Variants in APTX observed in about 807,000 individuals in gnomAD.
APTX encodes the protein forkhead-associated domain histidine triad-like protein.
APTX carries 33 observed loss-of-function variants against 42.3 expected under a neutral mutation model. The ratio of observed to expected loss-of-function variants is 0.78; its 90% CI spans 0.59 to 1.04. The LOEUF (loss-of-function observed/expected upper bound fraction) is 1.04. APTX is among the 50% of genes least tolerant of loss of function. The pLI, the probability that APTX is intolerant of heterozygous loss-of-function variation, is 0.00. For synonymous variants in APTX, 130 were observed against 146.7 expected, an observed-to-expected ratio of 0.89 and a Z score of 0.82; for missense variants, 421 against 415.1, an observed-to-expected ratio of 1.01 and a Z score of -0.12.
chr9:32,987,771 C>T lies in APTX; in HGVS notation c.256G>A (p.Val86Ile), dbSNP rs751070363. ...TAAAGTTCATTCACCATGTGGAGAA[C>T]CTGGCCAGGCTGCAGCTTCACCTCT... is the stretch of plus-strand genomic sequence containing the variant. ...DQEVKLQPGQ[V>I]LHMVNELYPY... The change falls in exon 4 of 8, where the codon GTT (valine) becomes ATT (isoleucine). Residue 86 changes from valine (V) to isoleucine (I), a missense_variant. Coordinates refer to ENST00000379817, the MANE Select transcript of APTX (RefSeq NM_001195248.2). 1 of 1,614,058 alleles carries T rather than the reference C, an allele frequency of 6.2e-7. No homozygotes were observed. Among genetic ancestry groups the T allele is most frequent in the African/African-American group, 1.3e-5 (1 of 74,924 alleles).
chr9:32,992,129 G>A (rs1161036755), intron 1 of APTX, among the ~76,000 whole-genome samples: 1 of 152,146 alleles, frequency 6.6e-6, no homozygotes, highest in East Asian at 1.9e-4. Flanking sequence ...CTAGACTCCA[G>A]ACTCTTATCA....
upstream of APTX, among the ~76,000 whole-genome samples, chr9:33,005,110 G>A (rs1223017030): frequency 6.6e-6 from 1 of 151,800 alleles, no homozygotes; most frequent in East Asian, 1.9e-4. Context: ...TTTTTTAATG[G>A]GGTTATTTTT....
intron 2 of APTX, among the ~76,000 whole-genome samples, chr9:32,989,071 G>C (rs1377356444): frequency 6.6e-6 from 1 of 152,182 alleles, no homozygotes; most frequent in Non-Finnish European, 1.5e-5. Flanking sequence ...GTGAGGAAGG[G>C]AACAGAGAGA....
chr9:33,003,545 T>C (rs1404726283), upstream of APTX, among the ~76,000 whole-genome samples: 3 of 152,034 alleles, frequency 2.0e-5, no homozygotes, highest in Admixed American at 6.5e-5. Flanking sequence ...AGCAGAAGAA[T>C]TGCTTGAACC....
chr9:32,979,614 C>G (rs1226908849), intron 6 of APTX: 1 of 157,140 alleles, frequency 6.4e-6, no homozygotes, highest in Non-Finnish European at 1.4e-5. Context: ...ATCAGTCCAT[C>G]AGCACTACAT....
At chr9:33,004,226 T>C (rs565688121), upstream of APTX, among the ~76,000 whole-genome samples, 9 of 152,342 alleles carry the variant, frequency 5.9e-5, no homozygotes, top group African/African-American at 1.9e-4. Context: ...GCTTTGGGTA[T>C]GTAAAGGCAT....
chr9:33,018,784 CAGG>C (rs1838120508), intron 1 of APTX, among the ~76,000 whole-genome samples: 1 of 152,116 alleles, frequency 6.6e-6, no homozygotes, highest in Non-Finnish European at 1.5e-5. Flanking sequence ...GAGGCTGAGG[CAGG>C]AGAATTGCTG....
At position 32,983,213 on chromosome 9, in the gene APTX, A is replaced by G. The variant is rs927960717; in HGVS notation, c.770+1418T>C. ...TAAAGTACATATGTCTATGATATAC[A>G]CAATAACACACATGAATCTCAAAAT... On this transcript the variant is annotated intron_variant, in intron 6 of 7. Transcript: ENST00000379817. 2.0e-5 allele frequency among the ~76,000 whole-genome samples: 3 copies of G among 152,228 alleles called. No individual in the cohort carries two copies. The East Asian group carries it at 5.8e-4, about 29-fold the overall frequency.
chr9:33,000,757 G>A (rs1836166742), intron 1 of APTX, among the ~76,000 whole-genome samples: 1 of 149,544 alleles, frequency 6.7e-6, no homozygotes, highest in Admixed American at 6.6e-5. Flanking sequence ...TCCAAACCTA[G>A]ATCACAGCAA....
chr9:32,986,043 C>CAAAAAAAAAA lies in APTX; in HGVS notation c.484-23_484-14dup, dbSNP rs752438493. The CAAAAAAAAAA allele has an allele frequency of 3.5e-5, 35 of 986,538 alleles. No individual in the cohort carries two copies. Among genetic ancestry groups the CAAAAAAAAAA allele is most frequent in the East Asian group, 1.4e-4 (5 of 34,534 alleles). 61.1% of individuals were successfully genotyped at this position (986,538 alleles called of 1,614,324 possible). A position where few individuals can be genotyped will look rare whatever the true frequency, so the allele number is the denominator to read the frequency against. ...GGCCCAGGGATTCCTAAAAAAAAAA[C>CAAAAAAAAAA]AAAAAAAAAAACAAAAAAAAAAAAA... On this transcript the variant is annotated splice_polypyrimidine_tract_variant and intron_variant, in intron 4 of 7. Transcript: ENST00000379817.
chr9:33,024,667 T>A (rs1475570384), intron 1 of APTX: 1 of 152,076 alleles, frequency 6.6e-6, no homozygotes, highest in Non-Finnish European at 1.5e-5. Flanking sequence ...CCAGGGCAGA[T>A]AACATGTGTC....
chr9:33,018,792 T>C (rs564777448), intron 1 of APTX, among the ~76,000 whole-genome samples: 105 of 152,136 alleles, frequency 6.9e-4, no homozygotes, highest in African/African-American at 2.4e-3. Flanking sequence ...GGCAGGAGAA[T>C]TGCTGGAACC....
chr9:33,004,528 T>C (rs1030580200), upstream of APTX, among the ~76,000 whole-genome samples: 2 of 152,302 alleles, frequency 1.3e-5, no homozygotes, highest in African/African-American at 4.8e-5. Flanking sequence ...CCATTTTTAA[T>C]ATTTTGAGGA....
intron 1 of APTX, among the ~76,000 whole-genome samples, chr9:33,021,900 A>T (rs1023079951): frequency 6.6e-6 from 1 of 151,242 alleles, no homozygotes; most frequent in Non-Finnish European, 1.5e-5. Flanking sequence ...CTGAGGCAGG[A>T]GAATCACTTG....
At chr9:32,992,214 T>G (rs919139885) in intron 1 of APTX, among the ~76,000 whole-genome samples, 2 of 152,158 alleles carry the variant, frequency 1.3e-5, no homozygotes, top group African/African-American at 4.8e-5. Context: ...TCTGCACAAG[T>G]TTCATGTCCA....
intron 1 of APTX, among the ~76,000 whole-genome samples, chr9:33,017,119 G>C (rs921856278): frequency 6.6e-6 from 1 of 152,036 alleles, no homozygotes; most frequent in East Asian, 1.9e-4. Context: ...ATACCAACTG[G>C]GTATCCTACA....
rs151190663 is a variant in APTX, at chr9:32,996,859, G to T, written c.-5+4708C>A. ...TCGGGAGATCACTGTCCTGGGCCAGGCCTAGTCTTTACTCCAGGATCCCCC... is the reference window on the plus strand; with the variant it reads ...TCGGGAGATCACTGTCCTGGGCCAGTCCTAGTCTTTACTCCAGGATCCCCC... On this transcript the variant is annotated intron_variant, in intron 1 of 7. Transcript: ENST00000379817. 4.2e-3 allele frequency among the ~76,000 whole-genome samples: 633 copies of T among 152,330 alleles called. 2 individuals carry two copies. Among genetic ancestry groups the T allele is most frequent in the South Asian group, 9.5e-3 (46 of 4,826 alleles).
Position 32,984,833 on chromosome 9 carries a change from C to A in APTX, c.568G>T (p.Val190Leu). The change falls in exon 6 of 8, where the codon GTG (valine) becomes TTG (leucine). Residue 190 changes from valine (V) to leucine (L), a missense_variant. Physicochemically the swap from Val to Leu is conservative, Grantham distance 32. Transcript: ENST00000379817. Reference sequence around the variant, plus strand: ...GCCTTTGGGTATTTATCCTTTATCACCACCACCTGCTCATCTTTGTAAACC... The same window carrying A: ...GCCTTTGGGTATTTATCCTTTATCAACACCACCTGCTCATCTTTGTAAACC... Reference protein sequence around the residue: ...MQVYKDEQVVVIKDKYPKARY... With the variant: ...MQVYKDEQVVLIKDKYPKARY... The A allele has an allele frequency of 6.2e-7, 1 of 1,614,150 alleles. No homozygotes were observed. The highest frequency in any genetic ancestry group is 1.1e-5 in the South Asian group (1 of 91,082).
Position 33,022,048 on chromosome 9 carries a change from C to A in APTX, c.-5+2975G>T, listed in dbSNP as rs112699440. On this transcript the variant is annotated intron_variant, in intron 1 of 6. Transcript: ENST00000436040. The stretch of plus-strand genomic sequence containing the variant: ...ACAGATTTATATTTATAATGCTGGA[C>A]TGATGAAGGGGAAGGTGGAGAGAAG... 4.3e-3 allele frequency among the ~76,000 whole-genome samples: 649 copies of A among 150,572 alleles called. 2 individuals are homozygous for A. The highest frequency in any genetic ancestry group is 0.015 in the African/African-American group (621 of 41,058).
Sources: gnomAD v4.1 joint callset for allele counts (sites outside exome capture counted in the v4.1 genomes callset) on GRCh38, gnomAD v4.1.1 for gene constraint, MANE v1.5 for transcripts, NCBI Gene and HGNC (gene_info 2026-07-23, HGNC 2026-07-21) for gene names.